The following FOCAD variants were observed in gnomAD, a reference collection of about 807,000 sequenced individuals.
FOCAD encodes the protein focadhesin.
FOCAD carries 198 observed loss-of-function variants against 225.6 expected under a neutral mutation model. The observed-to-expected ratio is 0.88, with a 90% CI of 0.78 to 0.99. The LOEUF (loss-of-function observed/expected upper bound fraction) is 0.99. Among genes scored for constraint, FOCAD ranks in the 50% least tolerant of loss-of-function variants. The probability of loss-of-function intolerance (pLI) is 0.00; values close to 1 mark genes in which losing one functional copy is unlikely to be tolerated. For synonymous variants in FOCAD, 897 were observed against 755.0 expected (o/e 1.19, Z -3.08); for missense variants, 2,713 against 2,123.6 (o/e 1.28, Z -5.46).
At chr9:20,782,656 C>T (rs554506367) in intron 10 of FOCAD, among the ~76,000 whole-genome samples, 1 of 152,168 alleles carries the variant, frequency 6.6e-6, no homozygotes, top group South Asian at 2.1e-4. Flanking sequence ...CCCAGCTCCT[C>T]TTATGGGGAT....
At chr9:20,813,337 T>C (rs1271682400) in intron 11 of FOCAD, among the ~76,000 whole-genome samples, 1 of 152,156 alleles carries the variant, frequency 6.6e-6, no homozygotes, top group Non-Finnish European at 1.5e-5. Flanking sequence ...ATGTGAATAT[T>C]TCCTCAAAAT....
chr9:20,889,520 T>G (rs1831423319), intron 21 of FOCAD, among the ~76,000 whole-genome samples: 2 of 152,242 alleles, frequency 1.3e-5, no homozygotes, highest in African/African-American at 4.8e-5. Context: ...CTGAATTACC[T>G]AGGCACTTCT....
intron 21 of FOCAD, among the ~76,000 whole-genome samples, chr9:20,894,439 T>TA (rs753971749): frequency 2.4e-4 from 37 of 152,068 alleles, no homozygotes; most frequent in Non-Finnish European, 4.9e-4. Flanking sequence ...TTGGTTTTGG[T>TA]AAAAAATGGC....
intron 7 of FOCAD, among the ~76,000 whole-genome samples, chr9:20,767,071 G>A (rs1191785920): frequency 1.5e-4 from 22 of 150,980 alleles, no homozygotes; most frequent in Non-Finnish European, 3.1e-4. Context: ...GAGAATATGT[G>A]GTGTTTGGTT....
At chr9:20,914,668 A>G (rs932949732) in intron 23 of FOCAD, among the ~76,000 whole-genome samples, 1 of 152,142 alleles carries the variant, frequency 6.6e-6, no homozygotes, top group Non-Finnish European at 1.5e-5. Context: ...AGTAGTGGAC[A>G]TGAGAGTAGA....
In FOCAD at chr9:20,739,456, A is replaced by G. The variant is rs1827421693; in HGVS notation, c.288-780A>G. ...TTGTCTCTACTAAAAATACAAAATTAGCCAGATGTGGTGGCACATGCCTGT... is the reference window on the plus strand; with the variant it reads ...TTGTCTCTACTAAAAATACAAAATTGGCCAGATGTGGTGGCACATGCCTGT... On this transcript the variant is annotated intron_variant, in intron 4 of 43. Transcript: ENST00000338382. 2.0e-5 allele frequency among the ~76,000 whole-genome samples: 3 copies of G among 152,128 alleles called. No homozygotes were observed. The South Asian group carries it at 6.2e-4, about 31-fold the overall frequency.
intron 43 of FOCAD, among the ~76,000 whole-genome samples, chr9:20,993,987 G>A (rs1841874955): frequency 6.6e-6 from 1 of 152,128 alleles, no homozygotes; most frequent in East Asian, 1.9e-4. Context: ...TCCATAAGAA[G>A]TTTTTTCCTG....
chr9:20,857,171 C>T (rs1014132216), intron 15 of FOCAD, among the ~76,000 whole-genome samples: 2 of 151,992 alleles, frequency 1.3e-5, no homozygotes, highest in Non-Finnish European at 2.9e-5. Context: ...CTATAGATTG[C>T]TTTAAGTAAT....
At chr9:20,943,692 A>T (rs919551168) in intron 28 of FOCAD, among the ~76,000 whole-genome samples, 27 of 152,212 alleles carry the variant, frequency 1.8e-4, no homozygotes, top group Non-Finnish European at 3.8e-4. Flanking sequence ...GAGATACATT[A>T]TTGGAGAAAT....
chr9:20,935,034 T>C lies in FOCAD; in HGVS notation c.3407+1931T>C, dbSNP rs570343175. Among the ~76,000 whole-genome samples the C allele has an allele frequency of 4.6e-5, 7 of 152,298 alleles. No homozygotes were observed. The South Asian group carries it at 8.3e-4, about 18-fold the overall frequency. On this transcript the variant is annotated intron_variant, in intron 28 of 43. Coordinates refer to ENST00000338382, the MANE Select transcript of FOCAD (RefSeq NM_001375567.1). ...TGGGTAGAATCAATATTGTGATAAT[T>C]ACCATAGTGTCAAAAGCAGTCTACA...
chr9:20,706,443 T>C (rs895924684), intron 1 of FOCAD, among the ~76,000 whole-genome samples: 6 of 152,322 alleles, frequency 3.9e-5, no homozygotes, highest in Non-Finnish European at 7.4e-5. Flanking sequence ...TGAGATCATC[T>C]GAACTCATAG....
intron 18 of FOCAD, among the ~76,000 whole-genome samples, chr9:20,872,560 A>G (rs1251688469): frequency 7.8e-6 from 1 of 127,728 alleles, no homozygotes; most frequent in Non-Finnish European, 1.6e-5. Flanking sequence ...CTGCATGCCT[A>G]CATACCTTCC....
chr9:20,767,467 C>T (rs2130974773), intron 7 of FOCAD, among the ~76,000 whole-genome samples: 1 of 150,228 alleles, frequency 6.7e-6, no homozygotes, highest in Admixed American at 6.6e-5. Context: ...CCTATTTCTC[C>T]ACGTCCTCTC....
intron 1 of FOCAD, among the ~76,000 whole-genome samples, chr9:20,690,447 A>G (rs1466988260): frequency 6.6e-6 from 1 of 151,992 alleles, no homozygotes; most frequent in Non-Finnish European, 1.5e-5. Context: ...CTTTCCTTCT[A>G]TTCTTTCTTA....
At chr9:20,877,150 TATAGGGTTTTC>T (rs1830294853) in intron 19 of FOCAD, among the ~76,000 whole-genome samples, 1 of 56,150 alleles carries the variant, frequency 1.8e-5, no homozygotes, top group African/African-American at 7.9e-5. Flanking sequence ...ATGTGAATTT[TATAGGGTTTTC>T]TCCCCCAGTA....
chr9:20,890,139 T>G (rs1224166829), intron 21 of FOCAD, among the ~76,000 whole-genome samples: 3 of 152,222 alleles, frequency 2.0e-5, no homozygotes, highest in African/African-American at 7.2e-5. Context: ...ATGCTTTTAA[T>G]TTTTGCTTTT....
rs1037685903 is a variant in FOCAD at position 20,789,674 on chromosome 9, C to T, written c.1455+66C>T. ...TTAATCATTGGAAATGTAGATTATT[C>T]CTGCTTTGTGGATTATTTGCATCAG... On this transcript the variant is annotated intron_variant, in intron 11 of 43. Transcript: ENST00000338382. The T allele has an allele frequency of 8.9e-6, 14 of 1,569,378 alleles. No homozygotes were observed. The African/African-American group carries it at 1.4e-4, about 15-fold the overall frequency.
chr9:20,987,190 G>T (rs1009968205), intron 40 of FOCAD, among the ~76,000 whole-genome samples: 3 of 152,034 alleles, frequency 2.0e-5, no homozygotes, highest in Non-Finnish European at 4.4e-5. Flanking sequence ...CTCTTGTATT[G>T]TTATGATTTT....
intron 1 of FOCAD, chr9:20,694,494 G>T (rs1319697849): frequency 6.6e-6 from 1 of 152,104 alleles, no homozygotes; most frequent in East Asian, 1.9e-4. Context: ...TTTGTATTGT[G>T]ATTTTGTATT....
Sources: allele counts gnomAD v4.1 joint callset (sites outside exome capture counted in the v4.1 genomes callset), GRCh38; gene constraint gnomAD v4.1.1; transcripts MANE v1.5; gene names NCBI Gene and HGNC (gene_info 2026-07-23, HGNC 2026-07-21).